Variants in CSMD1 observed in about 807,000 individuals in gnomAD.
CSMD1 encodes the protein CUB and sushi domain-containing protein 1.
CSMD1 carries 213 observed loss-of-function variants against 417.5 expected under a neutral mutation model. The observed-to-expected ratio is 0.51, with a 90% confidence interval of 0.46 to 0.57. The LOEUF (loss-of-function observed/expected upper bound fraction) is 0.57, where lower values mean the gene tolerates loss of function less well. Ranked by LOEUF, CSMD1 falls within the 20% of genes least tolerant of loss-of-function variation. The pLI is 0.00. For synonymous variants in CSMD1, 2,862 were observed against 1,736.8 expected, an observed-to-expected ratio of 1.65 and a Z score of -16.11; for missense variants, 6,923 against 4,529.7, an observed-to-expected ratio of 1.53 and a Z score of -15.17.
intron 7 of CSMD1, among the ~76,000 whole-genome samples, chr8:3,688,977 A>G (rs1405501746): frequency 6.6e-6 from 1 of 152,290 alleles, no homozygotes; most frequent in African/African-American, 2.4e-5. Context: ...AAAAAGGGTT[A>G]CTTCACTTTC....
At chr8:3,764,074 A>G (rs964932014) in intron 5 of CSMD1, among the ~76,000 whole-genome samples, 1 of 152,090 alleles carries the variant, frequency 6.6e-6, no homozygotes, top group Non-Finnish European at 1.5e-5. Context: ...AGGCTCTCAG[A>G]TGTATATTTC....
intron 2 of CSMD1, among the ~76,000 whole-genome samples, chr8:4,516,955 C>G (rs1210308475): frequency 6.6e-6 from 1 of 152,010 alleles, no homozygotes; most frequent in Non-Finnish European, 1.5e-5. Flanking sequence ...TGTGCTATTA[C>G]TTTTCACTAT....
chr8:3,985,836 G>C (rs138879108), intron 5 of CSMD1, among the ~76,000 whole-genome samples: 127 of 151,238 alleles, frequency 8.4e-4, no homozygotes, highest in African/African-American at 2.9e-3. Context: ...TCAATGCTGA[G>C]ACTGTACCCT....
chr8:2,939,244 A>G lies in CSMD1; in HGVS notation c.10536-500T>C, dbSNP rs144304578. 5.0e-3 allele frequency among the ~76,000 whole-genome samples: 755 copies of G among 152,282 alleles called. 1 individual carries two copies. The highest frequency in any genetic ancestry group is 7.5e-3 in the Non-Finnish European group (511 of 68,016). On this transcript the variant is annotated intron_variant, in intron 69 of 69. Transcript: ENST00000635120. ...TGGTTAAGACACGAAACTTTCTACT[A>G]CTCTGTAAAACAGGGTTGTGGGCAT...
At chr8:4,943,852 T>C (rs967413365) in intron 1 of CSMD1, among the ~76,000 whole-genome samples, 3 of 152,164 alleles carry the variant, frequency 2.0e-5, no homozygotes, top group African/African-American at 4.8e-5. Flanking sequence ...GAAGCCAAGA[T>C]AGAGCCATAA....
intron 5 of CSMD1, among the ~76,000 whole-genome samples, chr8:3,770,597 G>C (rs912606080): frequency 1.3e-5 from 2 of 152,162 alleles, no homozygotes; most frequent in African/African-American, 4.8e-5. Context: ...CGCACATGCA[G>C]AACGGCCATA....
At chr8:3,783,472 T>A (rs1017289012) in intron 5 of CSMD1, among the ~76,000 whole-genome samples, 1 of 152,244 alleles carries the variant, frequency 6.6e-6, no homozygotes, top group South Asian at 2.1e-4. Context: ...ATTGGCGGGC[T>A]GTGAGGCGGC....
chr8:4,653,609 A>G (rs1198427892), intron 1 of CSMD1, among the ~76,000 whole-genome samples: 2 of 152,126 alleles, frequency 1.3e-5, no homozygotes, highest in African/African-American at 2.4e-5. Context: ...GTCCCAGATA[A>G]CCACCAGTGA....
rs1445612209 is a variant in CSMD1, at chr8:3,949,860, T to C, written c.818+48043A>G. 8.8e-6 allele frequency: 4 copies of C among 455,158 alleles called. No individual in the cohort carries two copies. In the East Asian group the frequency reaches 2.8e-4, roughly 32 times the overall value. The allele number at this position is 455,158 out of a possible 1,614,324, so 28.2% of individuals were successfully genotyped here. ...TTGATTGAGGGGATCCCTGGGGACATGGCCTCCTCATTCAGCCCCAATTCA... is the reference window on the plus strand; with the variant it reads ...TTGATTGAGGGGATCCCTGGGGACACGGCCTCCTCATTCAGCCCCAATTCA... On this transcript the variant is annotated intron_variant, in intron 5 of 69. Coordinates refer to ENST00000635120, the MANE Select transcript of CSMD1 (RefSeq NM_033225.6).
At chr8:3,916,166 A>T (rs1400954605) in intron 5 of CSMD1, among the ~76,000 whole-genome samples, 1 of 152,112 alleles carries the variant, frequency 6.6e-6, no homozygotes, top group Non-Finnish European at 1.5e-5. Flanking sequence ...CTATTACTTC[A>T]AGAAATTGAA....
At chr8:4,688,467 G>A (rs780526393) in intron 1 of CSMD1, among the ~76,000 whole-genome samples, 5 of 152,094 alleles carry the variant, frequency 3.3e-5, no homozygotes, top group Non-Finnish European at 2.9e-5. Context: ...GCCAGCAGGC[G>A]TAAGCACTTG....
At chr8:3,649,153 T>C (rs1328751492) in intron 7 of CSMD1, among the ~76,000 whole-genome samples, 1 of 152,176 alleles carries the variant, frequency 6.6e-6, no homozygotes, top group East Asian at 1.9e-4. Flanking sequence ...GCAACCTTTA[T>C]TTAGTCTGTG....
chr8:3,552,367 T>A (rs1444487719), intron 10 of CSMD1, among the ~76,000 whole-genome samples: 1 of 152,046 alleles, frequency 6.6e-6, no homozygotes, highest in Non-Finnish European at 1.5e-5. Context: ...GAAAACTAAA[T>A]CTCCATGACA....
At chr8:4,448,954 T>G (rs1189184587) in intron 2 of CSMD1, among the ~76,000 whole-genome samples, 1 of 152,338 alleles carries the variant, frequency 6.6e-6, no homozygotes, top group African/African-American at 2.4e-5. Flanking sequence ...AGTGTACCTG[T>G]TTCTCTTCTG....
At chr8:3,907,839 C>G (rs930374963) in intron 5 of CSMD1, among the ~76,000 whole-genome samples, 1 of 152,216 alleles carries the variant, frequency 6.6e-6, no homozygotes, top group Non-Finnish European at 1.5e-5. Context: ...TTCTCATCAT[C>G]AACTCTGTGC....
intron 1 of CSMD1, chr8:4,788,132 T>C (rs1347080868): frequency 3.1e-5 from 49 of 1,602,946 alleles, no homozygotes; most frequent in Non-Finnish European, 4.1e-5. Flanking sequence ...TGATGGGCTC[T>C]ACTTCTGATC....
chr8:3,446,155 A>G (rs1387290755), intron 12 of CSMD1, among the ~76,000 whole-genome samples: 4 of 152,218 alleles, frequency 2.6e-5, no homozygotes, highest in Admixed American at 6.5e-5. Context: ...GGAAATTGCC[A>G]TGGCCCCAGG....
rs963802238 is a variant in CSMD1 at position 3,519,934 on chromosome 8, C to T, written c.1345-26208G>A. Among the ~76,000 whole-genome samples the T allele has an allele frequency of 2.8e-4, 42 of 151,194 alleles. 2 individuals carry two copies. The highest frequency in any genetic ancestry group is 1.1e-3 in the Admixed American group (17 of 15,162). On this transcript the variant is annotated intron_variant, in intron 10 of 69. Transcript: ENST00000635120. ...CAGTAGTTTACTTTTATAAACTCAA[C>T]GCTAATATAATTTCGCTGAAAGTCA...
At chr8:4,330,023 C>A (rs552297895) in intron 3 of CSMD1, among the ~76,000 whole-genome samples, 6 of 152,146 alleles carry the variant, frequency 3.9e-5, no homozygotes, top group Admixed American at 2.6e-4. Flanking sequence ...GCATGCAGAA[C>A]TGTGAGCCAA....
Sources: allele counts gnomAD v4.1 joint callset (sites outside exome capture counted in the v4.1 genomes callset), GRCh38; gene constraint gnomAD v4.1.1; transcripts MANE v1.5; gene names NCBI Gene and HGNC (gene_info 2026-07-23, HGNC 2026-07-21).